NDRG3: variants seen among roughly 807,000 people sequenced by gnomAD.
The protein encoded by NDRG3 is NDRG family member 3.
A neutral mutation model predicts 57.2 loss-of-function variants in NDRG3; 23 were observed. The ratio of observed to expected loss-of-function variants is 0.40; its 90% confidence interval spans 0.29 to 0.57. NDRG3 has a LOEUF of 0.57. NDRG3 is among the 20% of genes least tolerant of loss of function. NDRG3 has a pLI of 0.42. For synonymous variants in NDRG3, 132 were observed against 162.6 expected (o/e 0.81, Z 1.43); for missense variants, 384 against 457.3 (o/e 0.84, Z 1.46).
intron 6 of NDRG3, among the ~76,000 whole-genome samples, chr20:36,683,713 CAT>C: frequency 6.6e-6 from 1 of 150,956 alleles, no homozygotes; most frequent in South Asian, 2.1e-4. Flanking sequence ...CACACACACA[CAT>C]ATAAAAATAT....
chr20:36,677,949 TA>T (rs1019428950), intron 8 of NDRG3, among the ~76,000 whole-genome samples: 1 of 152,174 alleles, frequency 6.6e-6, no homozygotes, highest in African/African-American at 2.4e-5. Context: ...TTTTCTGTTT[TA>T]AAAAAATGTC....
intron 3 of NDRG3, among the ~76,000 whole-genome samples, chr20:36,704,604 A>G (rs1319713419): frequency 6.6e-6 from 1 of 152,218 alleles, no homozygotes; most frequent in African/African-American, 2.4e-5. Context: ...AACTGAAGTT[A>G]GATCAAATTA....
At position 36,652,846 on chromosome 20, in the gene NDRG3, T is replaced by G. The variant is rs1354605658; in HGVS notation, c.*674A>C. 6.6e-6 allele frequency: 1 copy of G among 152,246 alleles called. No individual in the cohort carries two copies. The highest frequency in any genetic ancestry group is 6.5e-5 in the Admixed American group (1 of 15,290). The allele number at this position is 152,246 out of a possible 1,614,324, so 9.4% of individuals were successfully genotyped here. ...TCCAGCAGAATATATTCCTCCCTTT[T>G]ATTTATAGAAGAGTATACAGAAATT... On this transcript the variant is annotated 3_prime_UTR_variant, in exon 16 of 16. Coordinates refer to ENST00000349004, the MANE Select transcript of NDRG3 (RefSeq NM_032013.4).
chr20:36,703,080 C>T (rs1983340272), intron 3 of NDRG3, among the ~76,000 whole-genome samples: 1 of 152,038 alleles, frequency 6.6e-6, no homozygotes, highest in African/African-American at 2.4e-5. Context: ...GAATTATAAG[C>T]AATCTTTATT....
At chr20:36,691,012 TAAA>T (rs1982224732) in intron 3 of NDRG3, among the ~76,000 whole-genome samples, 2 of 152,224 alleles carry the variant, frequency 1.3e-5, no homozygotes, top group African/African-American at 4.8e-5. Context: ...TTCTCAAAAA[TAAA>T]AAAATTACCA....
At chr20:36,693,386 C>T (rs1243433518) in intron 3 of NDRG3, among the ~76,000 whole-genome samples, 1 of 150,786 alleles carries the variant, frequency 6.6e-6, no homozygotes, top group Non-Finnish European at 1.5e-5. Flanking sequence ...ACTTTTGATG[C>T]CCCCAAAACT....
At chr20:36,687,657 C>T in intron 4 of NDRG3, 45 bp from the exon 5 acceptor site, 3 of 1,584,956 alleles carry the variant, frequency 1.9e-6, no homozygotes, top group Non-Finnish European at 2.6e-6. Flanking sequence ...CTCCATATCG[C>T]CCCAATTTTC....
chr20:36,705,055 C>T (rs1188002017), intron 3 of NDRG3, among the ~76,000 whole-genome samples: 1 of 151,806 alleles, frequency 6.6e-6, no homozygotes, highest in Non-Finnish European at 1.5e-5. Flanking sequence ...TGTGGTGGCT[C>T]ATGCCTGTAA....
intron 2 of NDRG3, among the ~76,000 whole-genome samples, chr20:36,714,184 T>C (rs1984081750): frequency 6.6e-6 from 1 of 151,416 alleles, no homozygotes; most frequent in Admixed American, 6.6e-5. Context: ...AGATCAGGAG[T>C]TCGAGACCAG....
rs375754927 is a variant in NDRG3 at position 36,721,399 on chromosome 20, C to T, written c.57+280G>A. Among the ~76,000 whole-genome samples, 22 of 151,834 alleles carry T rather than the reference C, an allele frequency of 1.4e-4. No homozygotes were observed. In the East Asian group the frequency reaches 2.5e-3, roughly 18 times the overall value. On this transcript the variant is annotated intron_variant, in intron 2 of 15. Transcript: ENST00000349004. ...CAAAAATTAGCTGGGCGTGATGACACGTGCCTGTAATCTCAGCTACTTGGG... is the reference window on the plus strand; with the variant it reads ...CAAAAATTAGCTGGGCGTGATGACATGTGCCTGTAATCTCAGCTACTTGGG...
chr20:36,738,217 G>A (rs1466157686), intron 1 of NDRG3, among the ~76,000 whole-genome samples: 1 of 151,950 alleles, frequency 6.6e-6, no homozygotes, highest in Non-Finnish European at 1.5e-5. Flanking sequence ...TGAACACCCT[G>A]GTTAAAACCA....
At chr20:36,676,148 G>C (rs1980683576) in intron 8 of NDRG3, among the ~76,000 whole-genome samples, 1 of 152,002 alleles carries the variant, frequency 6.6e-6, no homozygotes, top group Non-Finnish European at 1.5e-5. Context: ...GCTGAGGTGG[G>C]AGAATGGCGT....
At chr20:36,670,235 G>A (rs1465760365) in intron 9 of NDRG3, among the ~76,000 whole-genome samples, 1 of 152,180 alleles carries the variant, frequency 6.6e-6, no homozygotes, top group Non-Finnish European at 1.5e-5. Flanking sequence ...AATGGTCACT[G>A]AGGTGCACTT....
At chr20:36,698,613 G>A (rs1982997566) in intron 3 of NDRG3, among the ~76,000 whole-genome samples, 2 of 149,996 alleles carry the variant, frequency 1.3e-5, no homozygotes, top group South Asian at 4.2e-4. Context: ...TGAAAAAAAA[G>A]CCATGTATAA....
intron 8 of NDRG3, among the ~76,000 whole-genome samples, chr20:36,679,169 G>C (rs1397636245): frequency 6.6e-6 from 1 of 152,182 alleles, no homozygotes; most frequent in African/African-American, 2.4e-5. Flanking sequence ...ATGTTGGCCT[G>C]GCTAGTCTTG....
At chr20:36,745,561 A>G (rs1555809795) in intron 1 of NDRG3, among the ~76,000 whole-genome samples, 1 of 152,138 alleles carries the variant, frequency 6.6e-6, no homozygotes, top group Non-Finnish European at 1.5e-5. Context: ...CCGGTAGGGT[A>G]GTCGTAGGGT....
intron 1 of NDRG3, among the ~76,000 whole-genome samples, chr20:36,728,376 C>T (rs1985073892): frequency 6.6e-6 from 1 of 152,118 alleles, no homozygotes; most frequent in African/African-American, 2.4e-5. Flanking sequence ...AAAACCTTTG[C>T]TTTTCCCATT....
intron 9 of NDRG3, chr20:36,668,715 C>T (rs1979847028): frequency 6.6e-6 from 1 of 151,680 alleles, no homozygotes; most frequent in South Asian, 2.1e-4. Context: ...TATGACAATC[C>T]ACTATGACCT....
At chr20:36,664,977 C>A in intron 12 of NDRG3, 69 bp downstream of exon 12, 1 of 1,491,732 alleles carries the variant, frequency 6.7e-7, no homozygotes. Context: ...GCGTGAGCCA[C>A]TGCACCTGGC....
Sources: gnomAD v4.1 joint callset for allele counts (sites outside exome capture counted in the v4.1 genomes callset) on GRCh38, gnomAD v4.1.1 for gene constraint, MANE v1.5 for transcripts, NCBI Gene and HGNC (gene_info 2026-07-23, HGNC 2026-07-21) for gene names.